GRIK4: variants seen among roughly 807,000 people sequenced by gnomAD.
GRIK4 encodes the protein glutamate receptor ionotropic, kainate 4.
GRIK4 carries 40 observed loss-of-function variants against 104.9 expected under a neutral mutation model. The ratio of observed to expected loss-of-function variants is 0.38; its 90% CI spans 0.30 to 0.50. The LOEUF (loss-of-function observed/expected upper bound fraction) is 0.50. Ranked by LOEUF, GRIK4 falls within the 20% of genes least tolerant of loss-of-function variation. The probability of loss-of-function intolerance (pLI) is 0.93; values close to 1 mark genes in which losing one functional copy is unlikely to be tolerated. For missense variants in GRIK4, 1,047 were observed against 1,308.1 expected, an observed-to-expected ratio of 0.80 and a Z score of 3.08; for synonymous variants, 485 against 524.9, an observed-to-expected ratio of 0.92 and a Z score of 1.04.
chr11:120,822,061 A>C (rs766194031), intron 6 of GRIK4, among the ~76,000 whole-genome samples: 2 of 151,956 alleles, frequency 1.3e-5, no homozygotes, highest in Admixed American at 6.6e-5. Context: ...ATATGTAAAA[A>C]TTAGACGGGT....
rs547925514 is a variant in GRIK4, at chr11:120,915,534, G to C, written c.1476+10041G>C. 2.0e-5 allele frequency among the ~76,000 whole-genome samples: 3 copies of C among 152,140 alleles called. 1 individual carries two copies. In the South Asian group the frequency reaches 6.2e-4, roughly 32 times the overall value. ...GCACACCCCAGAAGATTGCCGCTGG[G>C]CCTCTGGAGCCGCAGCTGCCAACCG... On this transcript the variant is annotated intron_variant, in intron 13 of 20. Coordinates refer to ENST00000527524, the MANE Select transcript of GRIK4 (RefSeq NM_014619.5).
chr11:120,575,502 T>C (rs1948471126), intron 1 of GRIK4, among the ~76,000 whole-genome samples: 1 of 152,140 alleles, frequency 6.6e-6, no homozygotes, highest in Admixed American at 6.5e-5. Flanking sequence ...AGAGCTTTCT[T>C]TCCACTGTGC....
intron 3 of GRIK4, among the ~76,000 whole-genome samples, chr11:120,701,570 C>T (rs1431134418): frequency 6.6e-6 from 1 of 152,196 alleles, no homozygotes; most frequent in Non-Finnish European, 1.5e-5. Context: ...GTGAATAATG[C>T]TGGAGTGAAC....
intron 11 of GRIK4, among the ~76,000 whole-genome samples, chr11:120,888,492 T>C (rs910414457): frequency 6.6e-6 from 1 of 152,234 alleles, no homozygotes; most frequent in African/African-American, 2.4e-5. Flanking sequence ...TCTTAGCTTG[T>C]ATAATTTTCT....
chr11:120,569,041 A>T (rs777751298), intron 1 of GRIK4, among the ~76,000 whole-genome samples: 1 of 152,218 alleles, frequency 6.6e-6, no homozygotes, highest in Non-Finnish European at 1.5e-5. Context: ...TGCCATTTGG[A>T]TGAAAGGAGC....
Position 120,952,670 on chromosome 11 carries a change from G to T in GRIK4, c.1591-185G>T, listed in dbSNP as rs577479488. Reference sequence around the variant, plus strand: ...CACCTGCTGAGGTCAGGGCTGGGTCGTGTCATTTGCGCAGCCCGGCAACAC... The same window carrying T: ...CACCTGCTGAGGTCAGGGCTGGGTCTTGTCATTTGCGCAGCCCGGCAACAC... On this transcript the variant is annotated intron_variant, in intron 14 of 20. Coordinates refer to ENST00000527524, the MANE Select transcript of GRIK4 (RefSeq NM_014619.5). This position sits in a 1 kb window ranked among gnomAD's most constrained non-coding sequence, Gnocchi z 5.2. Among the ~76,000 whole-genome samples, 1 of 152,228 alleles carries T rather than the reference G, an allele frequency of 6.6e-6. No individual in the cohort carries two copies. The highest frequency in any genetic ancestry group is 1.5e-5 in the Non-Finnish European group (1 of 68,006).
chr11:120,796,161 G>A (rs1200700268), intron 3 of GRIK4, among the ~76,000 whole-genome samples: 2 of 150,788 alleles, frequency 1.3e-5, no homozygotes, highest in Admixed American at 6.6e-5. Context: ...TCAGCCTCCC[G>A]AGTAGCTGGG....
intron 6 of GRIK4, among the ~76,000 whole-genome samples, chr11:120,827,453 G>A (rs1953297640): frequency 6.6e-6 from 1 of 152,248 alleles, no homozygotes; most frequent in African/African-American, 2.4e-5. Context: ...AGGCAGGCAG[G>A]CCTGCTGCTG....
chr11:120,580,196 G>GTTCTTTCTTTCTTTCTTTCTTTCT, intron 1 of GRIK4, among the ~76,000 whole-genome samples: 2 of 133,112 alleles, frequency 1.5e-5, no homozygotes, highest in East Asian at 2.3e-4. Context: ...GAGTACAAGG[G>GTTCTTTCTTTCTTTCTTTCTTTCT]TTCTTTCTTT....
rs745543714 is a variant in GRIK4 at position 120,660,277 on chromosome 11, C to G, written c.-42C>G. The G allele has an allele frequency of 6.2e-6, 9 of 1,453,514 alleles. No homozygotes were observed. In the East Asian group the frequency reaches 2.0e-4, roughly 33 times the overall value. The allele number at this position is 1,453,514 out of a possible 1,614,324, so 90.0% of individuals were successfully genotyped here. A position where few individuals can be genotyped will look rare whatever the true frequency, so the allele number is the denominator to read the frequency against. On this transcript the variant is annotated 5_prime_UTR_variant, in exon 3 of 21. It introduces an in-frame stop codon into an upstream open reading frame of the 5' UTR. Coordinates refer to ENST00000527524, the MANE Select transcript of GRIK4 (RefSeq NM_014619.5). ...AACCCCCTCTCTCGCAGAGTTATGT[C>G]ATGCCCAGGCCAGCAGGGGGCTCCA...
At chr11:120,787,213 C>T (rs1448518415) in intron 3 of GRIK4, among the ~76,000 whole-genome samples, 1 of 151,570 alleles carries the variant, frequency 6.6e-6, no homozygotes, top group Non-Finnish European at 1.5e-5. Flanking sequence ...CACATGTGGT[C>T]CCAGCTATTC....
chr11:120,732,883 GT>G (rs1951160485), intron 3 of GRIK4, among the ~76,000 whole-genome samples: 1 of 150,758 alleles, frequency 6.6e-6, no homozygotes, highest in Non-Finnish European at 1.5e-5. Flanking sequence ...TAAGTCCAGT[GT>G]TTCTTTGTTG....
intron 1 of GRIK4, among the ~76,000 whole-genome samples, chr11:120,606,339 A>G (rs907541681): frequency 6.6e-6 from 1 of 152,162 alleles, no homozygotes; most frequent in Non-Finnish European, 1.5e-5. Flanking sequence ...CCCAGTTGGC[A>G]TGGACCATGG....
At chr11:120,854,986 TTC>T (rs771292958) in intron 8 of GRIK4, among the ~76,000 whole-genome samples, 29 of 152,302 alleles carry the variant, frequency 1.9e-4, no homozygotes, top group African/African-American at 6.5e-4. Flanking sequence ...AGGACAGTTA[TTC>T]TCCTAACCAT....
intron 3 of GRIK4, among the ~76,000 whole-genome samples, chr11:120,695,788 G>T (rs1341214836): frequency 6.6e-6 from 1 of 152,180 alleles, no homozygotes; most frequent in African/African-American, 2.4e-5. Flanking sequence ...CAGAGGCCTG[G>T]CAGGTTGGCA....
intron 1 of GRIK4, among the ~76,000 whole-genome samples, chr11:120,643,868 C>T (rs1320719): frequency 0.092 from 13,986 of 152,190 alleles, 857 homozygotes; most frequent in South Asian, 0.2. Context: ...TATTTATTTT[C>T]TCTGACCCTC....
At chr11:120,923,832 A>C (rs1464656602) in intron 13 of GRIK4, among the ~76,000 whole-genome samples, 1 of 152,224 alleles carries the variant, frequency 6.6e-6, no homozygotes, top group Non-Finnish European at 1.5e-5. Context: ...TCACACAGCT[A>C]GCCAGAGGCA....
chr11:120,693,610 A>G (rs1167332245), intron 3 of GRIK4, among the ~76,000 whole-genome samples: 3 of 152,258 alleles, frequency 2.0e-5, no homozygotes, highest in Non-Finnish European at 4.4e-5. Flanking sequence ...GATAAGAAAG[A>G]CAGTCTCTGC....
intron 1 of GRIK4, among the ~76,000 whole-genome samples, chr11:120,607,089 G>A (rs1948972081): frequency 6.6e-6 from 1 of 152,208 alleles, no homozygotes; most frequent in African/African-American, 2.4e-5. Flanking sequence ...TTGGAGCAGG[G>A]CAAGACCAGA....
Sources: gnomAD v4.1 joint callset for allele counts (sites outside exome capture counted in the v4.1 genomes callset) on GRCh38, gnomAD v4.1.1 for gene constraint, Gnocchi (gnomAD v3.1) non-coding constraint, MANE v1.5 for transcripts, NCBI Gene and HGNC (gene_info 2026-07-23, HGNC 2026-07-21) for gene names.